FAM83A: variants seen among roughly 807,000 people sequenced by gnomAD.
FAM83A encodes scaffolding CK1 anchoring protein A.
FAM83A carries 21 observed loss-of-function variants against 24.4 expected under a neutral mutation model. The ratio of observed to expected loss-of-function variants is 0.86; its 90% CI spans 0.61 to 1.24. The LOEUF is 1.24. FAM83A is among the 50% of genes most tolerant of loss of function. The pLI, the probability that FAM83A is intolerant of heterozygous loss-of-function variation, is 0.00. For missense variants in FAM83A, 617 were observed against 579.8 expected (o/e 1.06, Z -0.66); for synonymous variants, 270 against 252.4 (o/e 1.07, Z -0.66).
At position 123,207,734 on chromosome 8, in the gene FAM83A, C is replaced by T. The variant is rs866802911; in HGVS notation, c.*46C>T. 4.2e-6 allele frequency: 6 copies of T among 1,418,090 alleles called. No homozygotes were observed. In the African/African-American group the frequency reaches 5.9e-5, roughly 14 times the overall value. The allele number at this position is 1,418,090 out of a possible 1,614,324, so 87.8% of individuals were successfully genotyped here. On this transcript the variant is annotated 3_prime_UTR_variant, in exon 4 of 4. Transcript: ENST00000690554. Reference sequence around the variant, plus strand: ...CTCCGCAGGCCCAGGGCTGGGCACTCCCTGAGACCCAAAGACCCACCTCAA... The same window carrying T: ...CTCCGCAGGCCCAGGGCTGGGCACTTCCTGAGACCCAAAGACCCACCTCAA...
intron 3 of FAM83A, among the ~76,000 whole-genome samples, chr8:123,196,970 T>A (rs918617389): frequency 3.3e-5 from 5 of 152,152 alleles, no homozygotes; most frequent in African/African-American, 1.2e-4. Flanking sequence ...GACCTCCTCA[T>A]CCCTAAACTT....
Position 123,209,164 on chromosome 8 carries a change from G to A in FAM83A, c.*1476G>A. On this transcript the variant is annotated 3_prime_UTR_variant, in exon 4 of 4. Transcript: ENST00000690554. This position sits in a 1 kb window ranked among gnomAD's most constrained non-coding sequence, Gnocchi z 4.7. The stretch of plus-strand genomic sequence containing the variant: ...CTCCACATCCTTCTCCTGTTTCTAG[G>A]CCCTCTCCTCCCTTGTCGGTTTTTG... The A allele has an allele frequency of 9.0e-7, 1 of 1,106,546 alleles. No individual in the cohort carries two copies. The highest frequency in any genetic ancestry group is 1.1e-6 in the Non-Finnish European group (1 of 910,740). The allele number at this position is 1,106,546 out of a possible 1,614,324, so 68.5% of individuals were successfully genotyped here.
intron 2 of FAM83A, among the ~76,000 whole-genome samples, chr8:123,192,514 C>A (rs1405994002): frequency 6.6e-6 from 1 of 152,196 alleles, no homozygotes; most frequent in East Asian, 1.9e-4. Flanking sequence ...AGAAAAGAAA[C>A]CCAGCGATAA....
Position 123,183,110 on chromosome 8 carries a change from TGGGA to T in FAM83A, c.258_261del (p.Gly87ArgfsTer42), listed in dbSNP as rs1462811864. 1 of 1,613,866 alleles carries T rather than the reference TGGGA, an allele frequency of 6.2e-7. No individual in the cohort carries two copies. The highest frequency in any genetic ancestry group is 2.2e-5 in the East Asian group (1 of 44,866). ...GAGCCCCCGTGTCCCCCAGACACCC[TGGGA>T]GGGGCGGAAGCAGGCCCTAAGGGAC... On this transcript the variant is annotated frameshift_variant, in exon 1 of 4. Coordinates refer to ENST00000690554, the Ensembl canonical transcript of FAM83A. LOFTEE classifies it high-confidence loss of function.
At chr8:123,189,034 C>T (rs1170569566) in intron 1 of FAM83A, among the ~76,000 whole-genome samples, 1 of 152,206 alleles carries the variant, frequency 6.6e-6, no homozygotes, top group Non-Finnish European at 1.5e-5. Flanking sequence ...ACTGGAAGTA[C>T]TTACTGACCT....
At chr8:123,196,135 C>T (rs1824143096) in intron 3 of FAM83A, among the ~76,000 whole-genome samples, 1 of 152,238 alleles carries the variant, frequency 6.6e-6, no homozygotes, top group Admixed American at 6.5e-5. Flanking sequence ...CCTCAGCCTC[C>T]CTTGTAGCTG....
exon 1 of FAM83A, chr8:123,182,941 T>G: frequency 4.4e-6 from 7 of 1,597,192 alleles, no homozygotes; most frequent in Non-Finnish European, 6.0e-6. Flanking sequence ...CAGGGCTGAC[T>G]TTAGTGACAA....
chr8:123,189,213 T>TTA (rs1213328261), intron 1 of FAM83A, among the ~76,000 whole-genome samples: 5 of 152,214 alleles, frequency 3.3e-5, no homozygotes, highest in African/African-American at 1.2e-4. Context: ...CACAGCCTCA[T>TTA]TATTAGAACA....
intron 1 of FAM83A, 94 bp downstream of exon 1, chr8:123,183,430 C>T (rs1018983126): frequency 1.3e-5 from 19 of 1,514,392 alleles, no homozygotes; most frequent in South Asian, 6.5e-5. Flanking sequence ...GCTCCCAGGG[C>T]GAGAGTCCAG....
At chr8:123,185,945 C>T (rs966971371) in intron 1 of FAM83A, among the ~76,000 whole-genome samples, 16 of 152,168 alleles carry the variant, frequency 1.1e-4, no homozygotes, top group South Asian at 6.2e-4. Context: ...TACCTGCCAC[C>T]GCACCAGGCT....
chr8:123,183,005 ACTGGC>A lies in FAM83A; in HGVS notation c.150_154del (p.Tyr50Ter). ...CTCTTGGATGGGGGTTCTGAAGCCT[ACTGGC>A]GGGTGCTCAGCCAGGAAGGCGAGGT... On this transcript the variant is annotated stop_gained and frameshift_variant, in exon 1 of 4. Transcript: ENST00000690554. LOFTEE classifies it high-confidence loss of function. 6.2e-7 allele frequency: 1 copy of A among 1,601,592 alleles called. No individual in the cohort carries two copies. The highest frequency in any genetic ancestry group is 1.7e-5 in the Admixed American group (1 of 58,998).
exon 4 of FAM83A, chr8:123,208,903 G>C: frequency 1.0e-6 from 1 of 973,862 alleles, no homozygotes; most frequent in Non-Finnish European, 1.2e-6. Flanking sequence ...AGCAGAGGTT[G>C]CAATGAGCTG....
intron 3 of FAM83A, among the ~76,000 whole-genome samples, chr8:123,196,883 C>T (rs1824174634): frequency 1.3e-5 from 2 of 152,224 alleles, no homozygotes; most frequent in South Asian, 4.1e-4. Context: ...CTCTGGCTTT[C>T]ATGGGTCCAC....
exon 4 of FAM83A, chr8:123,207,621 A>G: frequency 6.4e-7 from 1 of 1,555,388 alleles, no homozygotes; most frequent in Non-Finnish European, 8.6e-7. Flanking sequence ...CAGCTGGAGC[A>G]GCTGGGCCTG....
chr8:123,194,018 C>T lies in FAM83A; in HGVS notation c.649-6C>T. 2 of 1,614,070 alleles carry T rather than the reference C, an allele frequency of 1.2e-6. No homozygotes were observed. The highest frequency in any genetic ancestry group is 1.3e-5 in the African/African-American group (1 of 75,060). On this transcript the variant is annotated splice_polypyrimidine_tract_variant and splice_region_variant and intron_variant, in intron 2 of 3. Transcript: ENST00000690554. The stretch of plus-strand genomic sequence containing the variant: ...GGAAGTGACACCTTGACTTTCCCTC[C>T]AACAGAACATTTCCATCCGGAGTGT...
At chr8:123,200,996 C>T (rs1355031229) in intron 3 of FAM83A, among the ~76,000 whole-genome samples, 54 of 135,940 alleles carry the variant, frequency 4.0e-4, no homozygotes, top group African/African-American at 1.5e-3. Flanking sequence ...CACATATATA[C>T]AAAAAAAAAA....
intron 1 of FAM83A, among the ~76,000 whole-genome samples, chr8:123,190,689 C>T (rs1172662410): frequency 2.6e-5 from 4 of 152,062 alleles, no homozygotes; most frequent in East Asian, 1.9e-4. Context: ...AGAAGAGAAA[C>T]ATTCATTAAC....
chr8:123,203,085 G>A lies in FAM83A; in HGVS notation c.774-4072G>A, dbSNP rs112822776. Among the ~76,000 whole-genome samples the A allele has an allele frequency of 1.6e-3, 249 of 152,068 alleles. 1 individual carries two copies. Among genetic ancestry groups the A allele is most frequent in the African/African-American group, 5.8e-3 (239 of 41,462 alleles). On this transcript the variant is annotated intron_variant, in intron 3 of 3. Transcript: ENST00000690554. ...GAGGAACTGGAAAAAATAACTCCCC[G>A]TATGTAAAATGGGATTACTACCCAC...
intron 1 of FAM83A, among the ~76,000 whole-genome samples, chr8:123,189,171 T>C (rs575873784): frequency 1.8e-4 from 28 of 152,348 alleles, no homozygotes; most frequent in Middle Eastern, 3.4e-3. Context: ...AGACAATTAA[T>C]TGTGTGATTA....
Sources: gnomAD v4.1 joint callset for allele counts (sites outside exome capture counted in the v4.1 genomes callset) on GRCh38, gnomAD v4.1.1 for gene constraint, Gnocchi (gnomAD v3.1) non-coding constraint, MANE v1.5 for transcripts, NCBI Gene and HGNC (gene_info 2026-07-23, HGNC 2026-07-21) for gene names.